THSD4: variants seen among roughly 807,000 people sequenced by gnomAD.
THSD4 encodes the protein thrombospondin type 1 domain containing 4.
A neutral mutation model predicts 119.0 loss-of-function variants in THSD4; 69 were observed. The ratio of observed to expected loss-of-function variants is 0.58; its 90% CI spans 0.48 to 0.71. The LOEUF (loss-of-function observed/expected upper bound fraction) is 0.71. Among genes scored for constraint, THSD4 ranks in the 30% least tolerant of loss-of-function variants. The probability of loss-of-function intolerance (pLI) is 0.00; values close to 1 mark genes in which losing one functional copy is unlikely to be tolerated. For synonymous variants in THSD4, 524 were observed against 540.4 expected, an observed-to-expected ratio of 0.97 and a Z score of 0.42; for missense variants, 1,393 against 1,391.1, an observed-to-expected ratio of 1.00 and a Z score of -0.02.
intron 6 of THSD4, among the ~76,000 whole-genome samples, chr15:71,343,390 CT>C (rs2140393137): frequency 6.6e-6 from 1 of 152,314 alleles, no homozygotes; most frequent in East Asian, 1.9e-4. Flanking sequence ...TGACAGATGA[CT>C]GTAAAGTTAG....
At chr15:71,719,251 G>A (rs1054933964) in intron 8 of THSD4, among the ~76,000 whole-genome samples, 3 of 152,160 alleles carry the variant, frequency 2.0e-5, no homozygotes, top group African/African-American at 4.8e-5. Flanking sequence ...CAAAGAGAAA[G>A]CCAGCCTTCT....
At chr15:71,681,078 CAGTT>C (rs1182489043) in intron 8 of THSD4, among the ~76,000 whole-genome samples, 3 of 151,884 alleles carry the variant, frequency 2.0e-5, no homozygotes, top group African/African-American at 7.3e-5. Context: ...CCACCATGCC[CAGTT>C]AATTTTTGTA....
At chr15:71,180,171 TAA>T (rs61126896) in intron 3 of THSD4, among the ~76,000 whole-genome samples, 96,634 of 141,392 alleles carry the variant, frequency 0.68, 34,519 homozygotes, top group East Asian at 0.88. Context: ...AAAAAAAAAA[TAA>T]AAAAAAAAAA....
chr15:71,150,659 A>G (rs919053241), intron 2 of THSD4, among the ~76,000 whole-genome samples: 1 of 152,252 alleles, frequency 6.6e-6, no homozygotes, highest in East Asian at 1.9e-4. Context: ...CACTTTTGTA[A>G]CAAGAGGCAC....
intron 6 of THSD4, among the ~76,000 whole-genome samples, chr15:71,302,714 G>A (rs1294411124): frequency 6.6e-6 from 1 of 152,046 alleles, no homozygotes. Flanking sequence ...CAGGAAGTCC[G>A]CTTGGCTGGT....
chr15:71,570,287 C>T (rs1244788155), intron 7 of THSD4, among the ~76,000 whole-genome samples: 1 of 152,112 alleles, frequency 6.6e-6, no homozygotes, highest in African/African-American at 2.4e-5. Context: ...TACTTAATTG[C>T]TCACAACAAC....
At chr15:71,433,839 C>T (rs2046972084) in intron 7 of THSD4, among the ~76,000 whole-genome samples, 1 of 152,092 alleles carries the variant, frequency 6.6e-6, no homozygotes, top group African/African-American at 2.4e-5. Context: ...ATCCCCAGGC[C>T]TCACCATGGC....
At chr15:71,304,406 A>G (rs1358333520) in intron 6 of THSD4, among the ~76,000 whole-genome samples, 1 of 151,974 alleles carries the variant, frequency 6.6e-6, no homozygotes, top group Non-Finnish European at 1.5e-5. Context: ...TAAGAGAGAC[A>G]TAATTTATTC....
At chr15:71,251,665 C>T (rs925520207) in intron 5 of THSD4, among the ~76,000 whole-genome samples, 9 of 152,128 alleles carry the variant, frequency 5.9e-5, no homozygotes, top group South Asian at 2.1e-4. Flanking sequence ...ACATATCTGA[C>T]GCAGGCAGCC....
At chr15:71,776,462 G>A (rs1414273123) in intron 17 of THSD4, among the ~76,000 whole-genome samples, 1 of 152,206 alleles carries the variant, frequency 6.6e-6, no homozygotes, top group Non-Finnish European at 1.5e-5. Flanking sequence ...AAATATACAT[G>A]ATATGTTCAG....
At chr15:71,662,494 G>A (rs1176880202) in intron 8 of THSD4, among the ~76,000 whole-genome samples, 1 of 152,160 alleles carries the variant, frequency 6.6e-6, no homozygotes, top group Non-Finnish European at 1.5e-5. Flanking sequence ...CTGCCTCCTA[G>A]AATGGGAAAT....
rs571531580 is a variant in THSD4 at position 71,182,247 on chromosome 15, A to C, written c.99+27315A>C. 5.9e-5 allele frequency among the ~76,000 whole-genome samples: 9 copies of C among 151,862 alleles called. No homozygotes were observed. In the South Asian group the frequency reaches 1.9e-3, roughly 32 times the overall value. ...TGCCTGCTTCACAGAAACCCACACA[A>C]TCTGAGTGTATAAATTCCTTCCTTT... On this transcript the variant is annotated intron_variant, in intron 3 of 17. Transcript: ENST00000261862.
chr15:71,650,869 C>T (rs570176485), intron 7 of THSD4, among the ~76,000 whole-genome samples: 26 of 152,202 alleles, frequency 1.7e-4, no homozygotes, highest in Admixed American at 1.2e-3. Context: ...TCTCAGGGTT[C>T]GAACCAGTAC....
intron 7 of THSD4, among the ~76,000 whole-genome samples, chr15:71,503,491 C>T (rs2048142705): frequency 6.6e-6 from 1 of 152,176 alleles, no homozygotes; most frequent in Admixed American, 6.5e-5. Context: ...AGCTGTTCCA[C>T]CTTGGGATTC....
intron 7 of THSD4, among the ~76,000 whole-genome samples, chr15:71,654,787 G>A (rs2051156714): frequency 6.6e-6 from 1 of 152,098 alleles, no homozygotes; most frequent in Non-Finnish European, 1.5e-5. Flanking sequence ...ATTAAGGCAC[G>A]CTGTTTTACC....
chr15:71,763,546 A>G (rs2141206006), intron 15 of THSD4, among the ~76,000 whole-genome samples: 1 of 145,108 alleles, frequency 6.9e-6, no homozygotes, highest in African/African-American at 2.9e-5. Context: ...CCCTGTCTCT[A>G]AAAACAAATT....
intron 6 of THSD4, among the ~76,000 whole-genome samples, chr15:71,289,072 C>G (rs1199509452): frequency 6.6e-6 from 1 of 152,154 alleles, no homozygotes; most frequent in East Asian, 1.9e-4. Flanking sequence ...AGACATCTTT[C>G]CTGTGCTGCC....
intron 5 of THSD4, among the ~76,000 whole-genome samples, chr15:71,244,923 G>A (rs998065813): frequency 2.0e-5 from 3 of 152,188 alleles, no homozygotes; most frequent in Non-Finnish European, 4.4e-5. Context: ...TTTGGCATCC[G>A]TGTGGAGCTG....
intron 2 of THSD4, among the ~76,000 whole-genome samples, chr15:71,143,942 G>A (rs1007662037): frequency 1.3e-5 from 2 of 151,918 alleles, no homozygotes; most frequent in African/African-American, 4.8e-5. Flanking sequence ...CGGGAGGCCT[G>A]GGGAACTCAC....
Sources: allele counts gnomAD v4.1 joint callset (sites outside exome capture counted in the v4.1 genomes callset), GRCh38; gene constraint gnomAD v4.1.1; transcripts MANE v1.5; gene names NCBI Gene and HGNC (gene_info 2026-07-23, HGNC 2026-07-21).